The following CTNNA2 variants were observed in gnomAD, a reference collection of about 807,000 sequenced individuals.
CTNNA2 encodes the protein catenin alpha-2.
A neutral mutation model predicts 101.0 loss-of-function variants in CTNNA2; 42 were observed. That is an observed-to-expected ratio of 0.42 (90% CI 0.32 to 0.54). The LOEUF (loss-of-function observed/expected upper bound fraction) is 0.54. CTNNA2 is among the 20% of genes least tolerant of loss of function. CTNNA2 has a pLI of 0.14. For synonymous variants in CTNNA2, 450 were observed against 456.4 expected (o/e 0.99, Z 0.18); for missense variants, 871 against 1,223.1 (o/e 0.71, Z 4.29).
intron 1 of CTNNA2, among the ~76,000 whole-genome samples, chr2:79,536,857 A>G (rs1404025903): frequency 6.6e-6 from 1 of 152,036 alleles, no homozygotes; most frequent in East Asian, 1.9e-4. Flanking sequence ...GCATGCTGCC[A>G]TGCCCAGCTA....
intron 3 of CTNNA2, among the ~76,000 whole-genome samples, chr2:79,800,372 A>T (rs902355492): frequency 2.6e-5 from 4 of 152,100 alleles, no homozygotes; most frequent in African/African-American, 9.7e-5. Context: ...GTACATTCCC[A>T]CCTAGATTCA....
intron 2 of CTNNA2, among the ~76,000 whole-genome samples, chr2:79,221,810 G>C (rs893924766): frequency 6.6e-6 from 1 of 152,112 alleles, no homozygotes; most frequent in Admixed American, 6.6e-5. Flanking sequence ...AAAGGTGCCA[G>C]GAAATTCACT....
intron 4 of CTNNA2, among the ~76,000 whole-genome samples, chr2:79,867,345 GTCTA>G (rs1229682443): frequency 4.8e-5 from 5 of 104,670 alleles, no homozygotes; most frequent in African/African-American, 1.0e-4. Context: ...CTATCTATCT[GTCTA>G]TCTATCAATC....
intron 1 of CTNNA2, among the ~76,000 whole-genome samples, chr2:79,631,503 G>A (rs1679692082): frequency 1.3e-5 from 2 of 152,176 alleles, no homozygotes; most frequent in African/African-American, 4.8e-5. Flanking sequence ...CATACTCATT[G>A]TCATATGTAT....
At chr2:79,806,147 T>C (rs1298134776) in intron 3 of CTNNA2, among the ~76,000 whole-genome samples, 1 of 152,090 alleles carries the variant, frequency 6.6e-6, no homozygotes, top group Non-Finnish European at 1.5e-5. Context: ...CATGTTGCAG[T>C]AGTTAACTCT....
At chr2:79,832,801 AG>A (rs1175127510) in intron 3 of CTNNA2, among the ~76,000 whole-genome samples, 1 of 152,228 alleles carries the variant, frequency 6.6e-6, no homozygotes, top group Non-Finnish European at 1.5e-5. Context: ...AAGGCTTCGC[AG>A]TGGTTATTCA....
At chr2:79,310,847 C>A (rs1676350949) in intron 2 of CTNNA2, among the ~76,000 whole-genome samples, 1 of 152,078 alleles carries the variant, frequency 6.6e-6, no homozygotes, top group Admixed American at 6.6e-5. Context: ...TTCTGAGTAA[C>A]TGAATAACAT....
At chr2:79,322,072 T>C (rs1676637584) in intron 3 of CTNNA2, among the ~76,000 whole-genome samples, 1 of 152,196 alleles carries the variant, frequency 6.6e-6, no homozygotes, top group Non-Finnish European at 1.5e-5. Context: ...TCACAGAAAC[T>C]AATTAGGGAA....
intron 7 of CTNNA2, among the ~76,000 whole-genome samples, chr2:80,007,376 T>C (rs394420): frequency 0.66 from 100,641 of 152,062 alleles, 33,897 homozygotes; most frequent in East Asian, 0.84. Context: ...TATAAATATC[T>C]ACATATTTAT....
At chr2:79,227,400 G>A (rs148504339) in intron 2 of CTNNA2, among the ~76,000 whole-genome samples, 1 of 152,250 alleles carries the variant, frequency 6.6e-6, no homozygotes, top group East Asian at 1.9e-4. Flanking sequence ...TCTATGCAAT[G>A]GCGATATTCA....
intron 1 of CTNNA2, among the ~76,000 whole-genome samples, chr2:79,593,952 G>A (rs942099102): frequency 3.7e-5 from 5 of 134,160 alleles, no homozygotes; most frequent in Admixed American, 2.5e-4. Context: ...CAAGTGGTGC[G>A]ATCTCAGCTC....
chr2:79,869,363 T>C (rs1682407902), intron 4 of CTNNA2, among the ~76,000 whole-genome samples: 1 of 152,238 alleles, frequency 6.6e-6, no homozygotes, highest in East Asian at 1.9e-4. Context: ...GCTAGAGATG[T>C]TGTCAACATT....
At position 80,370,841 on chromosome 2, in the gene CTNNA2, A is replaced by G. The variant is rs142113080; in HGVS notation, c.1057-22370A>G. 4.4e-3 allele frequency among the ~76,000 whole-genome samples: 676 copies of G among 152,324 alleles called. 6 individuals are homozygous for G. Among genetic ancestry groups the G allele is most frequent in the African/African-American group, 0.016 (653 of 41,576 alleles). On this transcript the variant is annotated intron_variant, in intron 7 of 18. Coordinates refer to ENST00000402739, the MANE Select transcript of CTNNA2 (RefSeq NM_001282597.3). ...AGGCAGATTAGTAACAGAAAAGCAT[A>G]CAAGTGTATTTAGTATGTTTTACAT... is the stretch of plus-strand genomic sequence containing the variant.
At chr2:79,704,150 A>G (rs1685191139) in intron 2 of CTNNA2, among the ~76,000 whole-genome samples, 1 of 152,234 alleles carries the variant, frequency 6.6e-6, no homozygotes, top group Admixed American at 6.5e-5. Context: ...CAACTGACAT[A>G]TAATTTCATA....
In CTNNA2 at chr2:79,982,340, A is replaced by C. The variant is rs202112469; in HGVS notation, c.1056+72543A>C. 7.1e-3 allele frequency among the ~76,000 whole-genome samples: 723 copies of C among 102,002 alleles called. 11 individuals carry two copies. The highest frequency in any genetic ancestry group is 0.022 in the African/African-American group (642 of 29,038). The allele number at this position is 102,002 out of a possible 152,430, so 66.9% of individuals were successfully genotyped here. A position where few individuals can be genotyped will look rare whatever the true frequency, so the allele number is the denominator to read the frequency against. ...AACATATATAACACACATATAAAACATATATAACCTATATAACCTATATAA... is the reference window on the plus strand; with the variant it reads ...AACATATATAACACACATATAAAACCTATATAACCTATATAACCTATATAA... On this transcript the variant is annotated intron_variant, in intron 7 of 18. Transcript: ENST00000402739.
intron 3 of CTNNA2, among the ~76,000 whole-genome samples, chr2:79,784,873 A>G (rs959927102): frequency 6.6e-6 from 1 of 152,152 alleles, no homozygotes; most frequent in Non-Finnish European, 1.5e-5. Flanking sequence ...GGAAAAAAAC[A>G]GGCGAAACTT....
chr2:79,676,923 A>G (rs17017518), intron 2 of CTNNA2, among the ~76,000 whole-genome samples: 18,692 of 151,914 alleles, frequency 0.12, 2,204 homozygotes, highest in African/African-American at 0.31. Flanking sequence ...CTTTTGTGGG[A>G]AGTGCTATTC....
intron 1 of CTNNA2, among the ~76,000 whole-genome samples, chr2:79,614,097 G>A (rs528827714): frequency 8.5e-4 from 130 of 152,176 alleles, no homozygotes; most frequent in Non-Finnish European, 1.7e-3. Flanking sequence ...ATCAAATTGA[G>A]ATATTCTTTT....
intron 7 of CTNNA2, among the ~76,000 whole-genome samples, chr2:80,321,882 A>G (rs1377063975): frequency 6.6e-6 from 1 of 152,156 alleles, no homozygotes; most frequent in African/African-American, 2.4e-5. Flanking sequence ...ATGGTAGGTA[A>G]TCTATACTCT....
Sources: allele counts gnomAD v4.1 joint callset (sites outside exome capture counted in the v4.1 genomes callset), GRCh38; gene constraint gnomAD v4.1.1; transcripts MANE v1.5; gene names NCBI Gene and HGNC (gene_info 2026-07-23, HGNC 2026-07-21).